NTPCR: variants seen among roughly 807,000 people sequenced by gnomAD.
NTPCR encodes cancer-related nucleoside-triphosphatase.
Under a neutral mutation model 19.5 loss-of-function variants are expected in NTPCR, and 15 were observed. The ratio of observed to expected loss-of-function variants is 0.77; its 90% confidence interval spans 0.51 to 1.18. The LOEUF (loss-of-function observed/expected upper bound fraction) is 1.18. Ranked by LOEUF, NTPCR falls within the 50% of genes most tolerant of loss-of-function variation. The pLI is 0.00. For missense variants in NTPCR, 206 were observed against 240.4 expected (o/e 0.86, Z 0.95); for synonymous variants, 90 against 95.8 (o/e 0.94, Z 0.36).
At position 232,980,387 on chromosome 1, in the gene NTPCR, G is replaced by A. The variant is rs1182464318; in HGVS notation, c.*2156G>A. On this transcript the variant is annotated 3_prime_UTR_variant, in exon 5 of 5. Coordinates refer to ENST00000366628, the MANE Select transcript of NTPCR (RefSeq NM_032324.3). ...AGGAGATTTGAACCCACGTCTGCGT[G>A]GCTCCAAAGTTCACTCTTTCATCAC... The A allele has an allele frequency of 6.6e-6, 1 of 152,166 alleles. No individual in the cohort carries two copies. Among genetic ancestry groups the A allele is most frequent in the Admixed American group, 6.5e-5 (1 of 15,278 alleles). The allele number at this position is 152,166 out of a possible 1,614,324, so 9.4% of individuals were successfully genotyped here.
At chr1:232,977,583 GAGAACACACTGC>G (rs1453500641) in intron 4 of NTPCR, 1 of 152,396 alleles carries the variant, frequency 6.6e-6, no homozygotes, top group Admixed American at 6.5e-5. Context: ...GTAAGTGTTG[GAGAACACACTGC>G]AGTCAGGAGG....
intron 3 of NTPCR, chr1:232,962,217 G>C (rs985098820): frequency 6.6e-6 from 1 of 152,034 alleles, no homozygotes; most frequent in African/African-American, 2.4e-5. Context: ...GAGCTGGAGT[G>C]AACTATAGAA....
chr1:232,976,205 G>A (rs1885004), intron 4 of NTPCR: 273,488 of 1,022,590 alleles, frequency 0.27, 37,273 homozygotes, highest in Middle Eastern at 0.33. Context: ...TTCAGTGCAT[G>A]TATACATTGT....
chr1:232,969,593 C>G (rs1428047363), intron 3 of NTPCR: 1 of 266,260 alleles, frequency 3.8e-6, no homozygotes, highest in African/African-American at 2.1e-5. Context: ...ACAATTGCAT[C>G]CTTTAGATCT....
chr1:232,958,136 ACT>A (rs1668564257), intron 3 of NTPCR, among the ~76,000 whole-genome samples: 1 of 152,220 alleles, frequency 6.6e-6, no homozygotes, highest in South Asian at 2.1e-4. Flanking sequence ...TTACAGACTT[ACT>A]ACTTTGATTT....
intron 3 of NTPCR, among the ~76,000 whole-genome samples, chr1:232,959,895 C>A (rs944102608): frequency 4.6e-5 from 7 of 151,840 alleles, no homozygotes; most frequent in African/African-American, 1.7e-4. Context: ...AGGGCTATGC[C>A]TATTTGCAGG....
intron 3 of NTPCR, 78 bp downstream of exon 3, chr1:232,956,521 G>A: frequency 2.0e-6 from 2 of 1,011,466 alleles, no homozygotes; most frequent in Non-Finnish European, 1.5e-6. Context: ...GAAACAGAAT[G>A]CCTTTTGCTC....
rs1427638295 is a variant in NTPCR at position 232,978,507 on chromosome 1, T to C, written c.*276T>C. The C allele has an allele frequency of 3.3e-6, 1 of 300,020 alleles. No homozygotes were observed. The allele number at this position is 300,020 out of a possible 1,614,324, so 18.6% of individuals were successfully genotyped here. A position where few individuals can be genotyped will look rare whatever the true frequency, so the allele number is the denominator to read the frequency against. ...AGTCATGCACATGATTTGGGTAAACTGTGAGATGAGAAATGGTTTTCAGAG... is the reference window on the plus strand; with the variant it reads ...AGTCATGCACATGATTTGGGTAAACCGTGAGATGAGAAATGGTTTTCAGAG... On this transcript the variant is annotated 3_prime_UTR_variant, in exon 5 of 5. Transcript: ENST00000366628.
At chr1:232,967,781 T>A (rs1188339595) in intron 3 of NTPCR, 2 of 152,216 alleles carry the variant, frequency 1.3e-5, no homozygotes, top group Non-Finnish European at 2.9e-5. Context: ...ATTTTGGCTT[T>A]TAGATGACAG....
chr1:232,956,876 GA>G (rs1281909806), intron 3 of NTPCR, among the ~76,000 whole-genome samples: 3 of 151,962 alleles, frequency 2.0e-5, no homozygotes, highest in Admixed American at 6.6e-5. Context: ...TTTTAAAAAA[GA>G]AAAAAACTTT....
In NTPCR at chr1:232,955,540, T is replaced by TA. The variant is rs1668485874; in HGVS notation, c.35-17_35-16insA. 3 of 1,491,368 alleles carry TA rather than the reference T, an allele frequency of 2.0e-6. No individual in the cohort carries two copies. Among genetic ancestry groups the TA allele is most frequent in the South Asian group, 1.3e-5 (1 of 74,990 alleles). The allele number at this position is 1,491,368 out of a possible 1,614,324, so 92.4% of individuals were successfully genotyped here. On this transcript the variant is annotated splice_polypyrimidine_tract_variant and intron_variant, in intron 1 of 4. Transcript: ENST00000366628. ...TAATGGGCTTTTCTTCTTTTTTTTT[T>TA]TTTTTTTTTATTTTAGGAGTTGGAA... is the stretch of plus-strand genomic sequence containing the variant.
chr1:232,977,394 G>A (rs182383977), intron 4 of NTPCR: 181 of 152,292 alleles, frequency 1.2e-3, no homozygotes, highest in African/African-American at 3.9e-3. Flanking sequence ...CCCCATCAGC[G>A]TGTGTTGAGT....
intron 3 of NTPCR, among the ~76,000 whole-genome samples, chr1:232,960,902 A>G (rs1247146685): frequency 6.6e-6 from 1 of 152,254 alleles, no homozygotes; most frequent in Non-Finnish European, 1.5e-5. Flanking sequence ...AAAATAAAAA[A>G]CACAATGTGA....
In NTPCR at chr1:232,955,530, C is replaced by CTTT. The variant is rs55951151; in HGVS notation, c.35-10_35-8dup. The stretch of plus-strand genomic sequence containing the variant: ...GAATGTTTCCTAATGGGCTTTTCTT[C>CTTT]TTTTTTTTTTTTTTTTTTTATTTTA... On this transcript the variant is annotated intron_variant, in intron 1 of 4. Coordinates refer to ENST00000366628, the MANE Select transcript of NTPCR (RefSeq NM_032324.3). 8.1e-4 allele frequency: 1,097 copies of CTTT among 1,350,752 alleles called. 6 individuals carry two copies. Among genetic ancestry groups the CTTT allele is most frequent in the African/African-American group, 3.3e-3 (202 of 60,916 alleles). 83.7% of individuals were successfully genotyped at this position (1,350,752 alleles called of 1,614,324 possible).
intron 3 of NTPCR, among the ~76,000 whole-genome samples, chr1:232,957,105 AT>A (rs1270419825): frequency 1.3e-5 from 2 of 152,168 alleles, no homozygotes; most frequent in Admixed American, 1.3e-4. Context: ...ACTCAGGCGT[AT>A]TTTGTTGAGG....
At chr1:232,950,840 C>T in intron 1 of NTPCR, 96 bp downstream of exon 1, 1 of 775,572 alleles carries the variant, frequency 1.3e-6, no homozygotes, top group Admixed American at 3.0e-5. Flanking sequence ...TCTCCGGCTC[C>T]AGGGCTCCGG....
chr1:232,970,936 C>G (rs1403972465), intron 4 of NTPCR, among the ~76,000 whole-genome samples: 1 of 152,044 alleles, frequency 6.6e-6, no homozygotes. Context: ...TGGGGGATGG[C>G]CCCATGATCT....
intron 3 of NTPCR, among the ~76,000 whole-genome samples, chr1:232,960,238 A>AAG (rs1668633665): frequency 1.3e-5 from 2 of 148,148 alleles, no homozygotes; most frequent in Admixed American, 6.7e-5. Context: ...AAAAAAAAAA[A>AAG]GTGGCCGGGA....
chr1:232,973,719 G>T (rs570750215), intron 4 of NTPCR, among the ~76,000 whole-genome samples: 1 of 152,298 alleles, frequency 6.6e-6, no homozygotes, highest in Admixed American at 6.5e-5. Context: ...GAAAGTTTCA[G>T]CAAAAACCTA....
Sources: gnomAD v4.1 joint callset for allele counts (sites outside exome capture counted in the v4.1 genomes callset) on GRCh38, gnomAD v4.1.1 for gene constraint, MANE v1.5 for transcripts, NCBI Gene and HGNC (gene_info 2026-07-23, HGNC 2026-07-21) for gene names.